The following TNRC6A variants were observed in gnomAD, a reference collection of about 807,000 sequenced individuals.
TNRC6A encodes the protein trinucleotide repeat containing adaptor 6A, also known as trinucleotide repeat-containing gene 6A protein.
In TNRC6A, 44 loss-of-function variants were observed where a neutral mutation model predicts 221.2. The ratio of observed to expected loss-of-function variants is 0.20; its 90% CI spans 0.16 to 0.26. The LOEUF is 0.26. Among genes scored for constraint, TNRC6A ranks in the 10% least tolerant of loss-of-function variants. The pLI, the probability that TNRC6A is intolerant of heterozygous loss-of-function variation, is 1.00. For missense variants in TNRC6A, 2,199 were observed against 2,404.4 expected (o/e 0.91, Z 1.79); for synonymous variants, 847 against 838.5 (o/e 1.01, Z -0.18).
At chr16:24,681,855 G>A (rs933659223) in intron 2 of TNRC6A, among the ~76,000 whole-genome samples, 5 of 152,126 alleles carry the variant, frequency 3.3e-5, no homozygotes, top group Admixed American at 3.3e-4. Flanking sequence ...ATTTCCTTGA[G>A]ATAAATTCCT....
At chr16:24,672,284 G>C (rs1197235555) in intron 2 of TNRC6A, among the ~76,000 whole-genome samples, 6 of 152,020 alleles carry the variant, frequency 3.9e-5, no homozygotes, top group Non-Finnish European at 8.8e-5. Context: ...GCCACGCCTG[G>C]CTAATTTTTT....
chr16:24,682,777 T>C (rs2055557324), intron 2 of TNRC6A, among the ~76,000 whole-genome samples: 1 of 151,942 alleles, frequency 6.6e-6, no homozygotes, highest in African/African-American at 2.4e-5. Flanking sequence ...CCAAGCCCCG[T>C]CTCCTCCCTT....
chr16:24,790,450 C>A lies in TNRC6A; in HGVS notation c.1808C>A (p.Thr603Asn), dbSNP rs776165453. The change falls in exon 6 of 25, where the codon ACC becomes AAC. Residue 603 changes from threonine to asparagine, a missense_variant. Around this residue, in one of 8 missense-constraint regions of TNRC6A, gnomAD observed 1,405 missense variants for 1,400.2 expected, o/e 1.00. Coordinates refer to ENST00000395799, the MANE Select transcript of TNRC6A (RefSeq NM_014494.4). ...GGAGGAAGTCGAAGAGGATGGGGAA[C>A]CCCTGCACAAAACACTGGCACTAAT... is the stretch of plus-strand genomic sequence containing the variant. ...NSGGSRRGWG[T>N]PAQNTGTNLP... 3 of 1,614,078 alleles carry A rather than the reference C, an allele frequency of 1.9e-6. No individual in the cohort carries two copies. Among genetic ancestry groups the A allele is most frequent in the Non-Finnish European group, 2.5e-6 (3 of 1,180,050 alleles).
intron 11 of TNRC6A, among the ~76,000 whole-genome samples, chr16:24,801,071 A>T (rs554563806): frequency 1.1e-4 from 16 of 152,356 alleles, no homozygotes; most frequent in Non-Finnish European, 2.1e-4. Flanking sequence ...CTTGATAGAT[A>T]CTGCGTTTGA....
chr16:24,677,163 T>A (rs1000909720), intron 2 of TNRC6A, among the ~76,000 whole-genome samples: 1 of 148,592 alleles, frequency 6.7e-6, no homozygotes, highest in East Asian at 1.9e-4. Context: ...CCTTTTTTTT[T>A]CTTTTTTTTT....
At chr16:24,629,700 CG>C (rs1191559194) in intron 1 of TNRC6A, among the ~76,000 whole-genome samples, 1 of 151,978 alleles carries the variant, frequency 6.6e-6, no homozygotes, top group East Asian at 1.9e-4. Context: ...ACACATAGAC[CG>C]GGCACAGTGG....
At chr16:24,669,117 A>C (rs1345899014) in intron 2 of TNRC6A, among the ~76,000 whole-genome samples, 1 of 152,202 alleles carries the variant, frequency 6.6e-6, no homozygotes, top group Non-Finnish European at 1.5e-5. Flanking sequence ...AATAAATAAC[A>C]ATGTGAGTGG....
intron 2 of TNRC6A, among the ~76,000 whole-genome samples, chr16:24,702,111 T>TC (rs1309034165): frequency 1.3e-5 from 2 of 148,520 alleles, no homozygotes; most frequent in African/African-American, 5.0e-5. Context: ...TTTTTTCTTT[T>TC]TTTTTTTTTT....
Position 24,809,494 on chromosome 16 carries a change from C to G in TNRC6A, c.4672+13C>G, listed in dbSNP as rs747414095. On this transcript the variant is annotated intron_variant, in intron 18 of 24. Transcript: ENST00000395799. ...TCCAGCAAACATGGTACAAAAGATACATCTTACCAAAAAAAAAAAAAAAAC... is the reference window on the plus strand; with the variant it reads ...TCCAGCAAACATGGTACAAAAGATAGATCTTACCAAAAAAAAAAAAAAAAC... The G allele has an allele frequency of 1.9e-5, 24 of 1,250,966 alleles. No homozygotes were observed. The South Asian group carries it at 4.3e-4, about 23-fold the overall frequency. The allele number at this position is 1,250,966 out of a possible 1,614,324, so 77.5% of individuals were successfully genotyped here.
intron 5 of TNRC6A, 98 bp downstream of exon 5, chr16:24,777,456 A>C (rs2057750304): frequency 1.6e-6 from 2 of 1,215,702 alleles, no homozygotes; most frequent in East Asian, 4.7e-5. Context: ...ATTTGTATTC[A>C]TCAGTATGTG....
intron 4 of TNRC6A, among the ~76,000 whole-genome samples, chr16:24,769,339 A>T (rs1313964910): frequency 6.6e-6 from 1 of 151,790 alleles, no homozygotes; most frequent in Non-Finnish European, 1.5e-5. Context: ...AGGAAAAGGT[A>T]GGGTGAATTC....
At chr16:24,769,894 G>C (rs2057554650) in intron 4 of TNRC6A, among the ~76,000 whole-genome samples, 1 of 152,110 alleles carries the variant, frequency 6.6e-6, no homozygotes, top group South Asian at 2.1e-4. Context: ...GCAATTCCTG[G>C]ATTATTCATT....
chr16:24,805,709 G>A lies in TNRC6A; in HGVS notation c.4227G>A (p.Gln1409=), dbSNP rs1489158912. The A allele has an allele frequency of 6.2e-7, 1 of 1,614,166 alleles. No individual in the cohort carries two copies. Among genetic ancestry groups the A allele is most frequent in the African/African-American group, 1.3e-5 (1 of 75,042 alleles). The change falls in exon 15 of 25, where the codon CAG becomes CAA. Residue 1409 remains glutamine, a synonymous_variant. Coordinates refer to ENST00000395799, the MANE Select transcript of TNRC6A (RefSeq NM_014494.4). ...TGAACCAGCTATCCCAGCTAAACCA[G>A]CTTTCTCAGATCTCCCAGTTACAGG... ...AMLNQLSQLN[Q]LSQISQLQRL... is the part of the protein sequence containing the mutation.
intron 2 of TNRC6A, among the ~76,000 whole-genome samples, chr16:24,672,736 T>A (rs1182366580): frequency 6.6e-6 from 1 of 151,560 alleles, no homozygotes; most frequent in Non-Finnish European, 1.5e-5. Flanking sequence ...CATGAGCCGC[T>A]GTGCCTGGCC....
At chr16:24,797,685 A>G (rs1173563462) in intron 10 of TNRC6A, 115 bp downstream of exon 10, 18 of 991,016 alleles carry the variant, frequency 1.8e-5, no homozygotes, top group Non-Finnish European at 2.5e-5. Context: ...AATGTACTTG[A>G]TGTTAGAGTA....
intron 2 of TNRC6A, among the ~76,000 whole-genome samples, chr16:24,691,791 A>G (rs2055760916): frequency 7.0e-6 from 1 of 143,370 alleles, no homozygotes; most frequent in South Asian, 2.5e-4. Flanking sequence ...AAATAAAAGA[A>G]GGAAGGGAGG....
intron 2 of TNRC6A, among the ~76,000 whole-genome samples, chr16:24,642,794 G>A (rs964089728): frequency 2.0e-5 from 3 of 151,886 alleles, no homozygotes; most frequent in Admixed American, 1.3e-4. Flanking sequence ...CACTACAGCC[G>A]GGCGACACAG....
intron 2 of TNRC6A, among the ~76,000 whole-genome samples, chr16:24,666,440 T>G (rs894714561): frequency 1.0e-4 from 14 of 136,564 alleles, no homozygotes; most frequent in Middle Eastern, 4.1e-3. Flanking sequence ...GCCACTGCAC[T>G]CCAGCCTGGG....
intron 1 of TNRC6A, among the ~76,000 whole-genome samples, chr16:24,622,992 C>T (rs1230136795): frequency 6.6e-6 from 1 of 152,142 alleles, no homozygotes; most frequent in Non-Finnish European, 1.5e-5. Context: ...TTTTGTGTTT[C>T]ACCTAACGTT....
Sources: gnomAD v4.1 joint callset for allele counts (sites outside exome capture counted in the v4.1 genomes callset) on GRCh38, gnomAD v4.1.1 for gene constraint, gnomAD v4.1.1 regional missense constraint, MANE v1.5 for transcripts, NCBI Gene and HGNC (gene_info 2026-07-23, HGNC 2026-07-21) for gene names.